The following SLC35F6 variants were observed in gnomAD, a reference collection of about 807,000 sequenced individuals.
SLC35F6 encodes the protein solute carrier family 35 member F6, also known as ANT2-binding protein.
A neutral mutation model predicts 29.4 loss-of-function variants in SLC35F6; 26 were observed. The observed-to-expected ratio is 0.89, with a 90% CI of 0.65 to 1.23. The LOEUF (loss-of-function observed/expected upper bound fraction) is 1.23, where lower values mean the gene tolerates loss of function less well. SLC35F6 is among the 50% of genes most tolerant of loss of function. SLC35F6 has a pLI of 0.00. For synonymous variants in SLC35F6, 174 were observed against 206.6 expected, an observed-to-expected ratio of 0.84 and a Z score of 1.35; for missense variants, 428 against 487.8, an observed-to-expected ratio of 0.88 and a Z score of 1.15.
At chr2:26,769,387 A>T (rs1433117564) in intron 1 of SLC35F6, among the ~76,000 whole-genome samples, 1 of 152,156 alleles carries the variant, frequency 6.6e-6, no homozygotes, top group Non-Finnish European at 1.5e-5. Context: ...TCTCCCCTAG[A>T]ATACAGTGTC....
rs1664279681 is a variant in SLC35F6, at chr2:26,775,389, T to G, written c.323-75T>G. ...GCGCTTACTATGAGCTTGGCATGTC[T>G]ATCACCAAAGACCCCTTAGTGACAG... is the stretch of plus-strand genomic sequence containing the variant. On this transcript the variant is annotated intron_variant, in intron 3 of 5. Coordinates refer to ENST00000344420, the MANE Select transcript of SLC35F6 (RefSeq NM_017877.4). The surrounding 1 kb of genome is among the most constrained non-coding windows in gnomAD (Gnocchi z 4.6). 1 of 1,556,886 alleles carries G rather than the reference T, an allele frequency of 6.4e-7. No homozygotes were observed. Among genetic ancestry groups the G allele is most frequent in the Non-Finnish European group, 8.7e-7 (1 of 1,148,904 alleles).
Position 26,778,584 on chromosome 2 carries a change from C to T in SLC35F6, c.*73C>T. The T allele has an allele frequency of 7.2e-7, 1 of 1,389,782 alleles. No individual in the cohort carries two copies. Among genetic ancestry groups the T allele is most frequent in the Non-Finnish European group, 9.6e-7 (1 of 1,046,810 alleles). 86.1% of individuals were successfully genotyped at this position (1,389,782 alleles called of 1,614,324 possible). ...GACTGAGGCCACACAGGCTGGTGGG[C>T]CCCGAATGCCCTATCCCCAAGGCCT... On this transcript the variant is annotated 3_prime_UTR_variant, in exon 6 of 6. Coordinates refer to ENST00000344420, the MANE Select transcript of SLC35F6 (RefSeq NM_017877.4).
intron 5 of SLC35F6, 111 bp from the exon 6 acceptor site, chr2:26,777,931 C>A: frequency 2.0e-6 from 2 of 994,618 alleles, no homozygotes; most frequent in Non-Finnish European, 3.0e-6. Context: ...AGGGAGCTGG[C>A]ATGAGGACCA....
rs911935642 is a variant in SLC35F6, at chr2:26,777,905, T to A, written c.647-137T>A. 6 of 752,028 alleles carry A rather than the reference T, an allele frequency of 8.0e-6. No homozygotes were observed. In the African/African-American group the frequency reaches 1.1e-4, roughly 13 times the overall value. The allele number at this position is 752,028 out of a possible 1,614,324, so 46.6% of individuals were successfully genotyped here. On this transcript the variant is annotated intron_variant, in intron 5 of 5. Coordinates refer to ENST00000344420, the MANE Select transcript of SLC35F6 (RefSeq NM_017877.4). ...AGGCCACAAGCTCCTGATGAGAGAC[T>A]GAGGGACGTGAAAGGAGGGAGCTGG...
At chr2:26,776,872 G>A (rs1664310809) in intron 5 of SLC35F6, among the ~76,000 whole-genome samples, 1 of 152,172 alleles carries the variant, frequency 6.6e-6, no homozygotes, top group South Asian at 2.1e-4. Flanking sequence ...AAGGCACAGG[G>A]GACTGGATGT....
chr2:26,777,580 C>T (rs993239014), intron 5 of SLC35F6, among the ~76,000 whole-genome samples: 35 of 152,160 alleles, frequency 2.3e-4, no homozygotes, highest in African/African-American at 7.2e-4. Flanking sequence ...TACCTTCTGG[C>T]GCAAGCTCCT....
Position 26,774,141 on chromosome 2 carries a change from G to A in SLC35F6, c.78-110G>A, listed in dbSNP as rs555219286. The A allele has an allele frequency of 6.2e-5, 81 of 1,298,728 alleles. 2 individuals are homozygous for A. The South Asian group carries it at 1.0e-3, about 17-fold the overall frequency. The allele number at this position is 1,298,728 out of a possible 1,614,324, so 80.5% of individuals were successfully genotyped here. Reference sequence around the variant, plus strand: ...CCCCTTTGAGAGGGAGCCCCACTCTGGGGCCGGGTCACCCAGGTCTGGGCC... The same window carrying A: ...CCCCTTTGAGAGGGAGCCCCACTCTAGGGCCGGGTCACCCAGGTCTGGGCC... On this transcript the variant is annotated intron_variant, in intron 1 of 5. Transcript: ENST00000344420.
intron 5 of SLC35F6, 115 bp from the exon 6 acceptor site, chr2:26,777,927 C>T (rs1447910117): frequency 7.4e-6 from 7 of 949,668 alleles, no homozygotes; most frequent in Non-Finnish European, 1.1e-5. Flanking sequence ...AAGGAGGGAG[C>T]TGGCATGAGG....
At chr2:26,769,114 G>T (rs1664146605) in intron 1 of SLC35F6, among the ~76,000 whole-genome samples, 3 of 152,238 alleles carry the variant, frequency 2.0e-5, no homozygotes, top group Admixed American at 2.0e-4. Flanking sequence ...GACACAAGAG[G>T]AAGTGGCAGA....
intron 1 of SLC35F6, among the ~76,000 whole-genome samples, chr2:26,771,783 C>A (rs1245695988): frequency 1.3e-5 from 2 of 151,698 alleles, no homozygotes; most frequent in African/African-American, 4.8e-5. Context: ...GCCATGGCAA[C>A]ATAGTGAGAC....
chr2:26,773,894 G>T (rs1259200416), intron 1 of SLC35F6, among the ~76,000 whole-genome samples: 4 of 152,218 alleles, frequency 2.6e-5, no homozygotes, highest in Admixed American at 2.6e-4. Flanking sequence ...TTACAGGCGT[G>T]AGCCACTGCG....
At chr2:26,768,882 A>C (rs536098462) in intron 1 of SLC35F6, among the ~76,000 whole-genome samples, 1 of 151,486 alleles carries the variant, frequency 6.6e-6, no homozygotes, top group East Asian at 1.9e-4. Flanking sequence ...GGCTCAAGCA[A>C]TCCACCTGCC....
intron 5 of SLC35F6, among the ~76,000 whole-genome samples, 161 bp downstream of exon 5, chr2:26,776,643 G>A (rs1394746560): frequency 6.6e-6 from 1 of 152,152 alleles, no homozygotes; most frequent in African/African-American, 2.4e-5. Flanking sequence ...TGCTGTGTCA[G>A]GAACTAGAGG....
chr2:26,769,002 A>T (rs1364415759), intron 1 of SLC35F6, among the ~76,000 whole-genome samples: 1 of 152,168 alleles, frequency 6.6e-6, no homozygotes, highest in Non-Finnish European at 1.5e-5. Flanking sequence ...CTCAGGAGCC[A>T]GGGCCACCTG....
chr2:26,774,577 A>G (rs1446845304), intron 2 of SLC35F6, among the ~76,000 whole-genome samples: 1 of 152,254 alleles, frequency 6.6e-6, no homozygotes, highest in Admixed American at 6.5e-5. Flanking sequence ...CGTGGAAAAC[A>G]TCAGCCCTAG....
chr2:26,771,307 C>G (rs1032355996), intron 1 of SLC35F6, among the ~76,000 whole-genome samples: 3 of 152,212 alleles, frequency 2.0e-5, no homozygotes, highest in Admixed American at 1.3e-4. Context: ...CATACCTGCC[C>G]CCTACAGACA....
At chr2:26,764,665 T>A (rs1664062222) in intron 1 of SLC35F6, 1 of 575,072 alleles carries the variant, frequency 1.7e-6, no homozygotes, top group African/African-American at 2.0e-5. Context: ...CCGCTCCTGT[T>A]TCCACGTCTT....
chr2:26,768,337 C>T (rs1664131827), intron 1 of SLC35F6, among the ~76,000 whole-genome samples: 1 of 151,334 alleles, frequency 6.6e-6, no homozygotes, highest in African/African-American at 2.4e-5. Context: ...TCTTCCTGGA[C>T]ACTGAAGATC....
chr2:26,766,489 T>G (rs1047660777), intron 1 of SLC35F6, among the ~76,000 whole-genome samples: 12 of 151,976 alleles, frequency 7.9e-5, no homozygotes, highest in Non-Finnish European at 1.8e-4. Context: ...TCCCAGCTAC[T>G]TGGGAGGCTG....
Sources: gnomAD v4.1 joint callset for allele counts (sites outside exome capture counted in the v4.1 genomes callset) on GRCh38, gnomAD v4.1.1 for gene constraint, Gnocchi (gnomAD v3.1) non-coding constraint, MANE v1.5 for transcripts, NCBI Gene and HGNC (gene_info 2026-07-23, HGNC 2026-07-21) for gene names.